Variants in LRBA observed in about 807,000 individuals in gnomAD.
LRBA encodes lipopolysaccharide-responsive and beige-like anchor protein.
LRBA carries 176 observed loss-of-function variants against 330.0 expected under a neutral mutation model. The ratio of observed to expected loss-of-function variants is 0.53; its 90% CI spans 0.47 to 0.60. The LOEUF (loss-of-function observed/expected upper bound fraction) is 0.60. Ranked by LOEUF, LRBA falls within the 20% of genes least tolerant of loss-of-function variation. The pLI is 0.00. For missense variants in LRBA, 3,259 were observed against 3,444.8 expected, an observed-to-expected ratio of 0.95 and a Z score of 1.35; for synonymous variants, 1,230 against 1,193.0, an observed-to-expected ratio of 1.03 and a Z score of -0.64.
chr4:150,943,967 C>T (rs1252517645), intron 2 of LRBA, among the ~76,000 whole-genome samples: 2 of 152,200 alleles, frequency 1.3e-5, no homozygotes, highest in Non-Finnish European at 2.9e-5. Flanking sequence ...CAGTGAGAGG[C>T]TCACTTAGAG....
intron 44 of LRBA, among the ~76,000 whole-genome samples, chr4:150,453,522 G>A (rs1013643248): frequency 6.6e-6 from 1 of 152,138 alleles, no homozygotes; most frequent in African/African-American, 2.4e-5. Context: ...CAAAAAATAA[G>A]TAGCATTAGC....
intron 50 of LRBA, among the ~76,000 whole-genome samples, chr4:150,316,968 A>G (rs998483350): frequency 6.6e-6 from 1 of 152,118 alleles, no homozygotes; most frequent in East Asian, 1.9e-4. Context: ...CCATTTTTAC[A>G]CCAAATATGA....
intron 2 of LRBA, among the ~76,000 whole-genome samples, chr4:150,955,843 G>T (rs1368563230): frequency 2.0e-5 from 3 of 147,994 alleles, no homozygotes; most frequent in Non-Finnish European, 2.9e-5. Flanking sequence ...GGTGAGCCGA[G>T]ATTGTGCCAC....
At chr4:150,553,322 T>TG (rs942328889) in intron 40 of LRBA, among the ~76,000 whole-genome samples, 1 of 150,562 alleles carries the variant, frequency 6.6e-6, no homozygotes, top group Admixed American at 6.6e-5. Flanking sequence ...TGTCGTGGGG[T>TG]GGGGGGAAGG....
chr4:150,753,460 C>T lies in LRBA; in HGVS notation c.5645+8323G>A, dbSNP rs541487902. On this transcript the variant is annotated intron_variant, in intron 35 of 56. Coordinates refer to ENST00000651943, the MANE Select transcript of LRBA (RefSeq NM_001364905.1). Reference sequence around the variant, plus strand: ...TTTCACCTATCCCTAATACACATCCCTTTTTTCTATAATCATTCTTATTTA... The same window carrying T: ...TTTCACCTATCCCTAATACACATCCTTTTTTTCTATAATCATTCTTATTTA... Among the ~76,000 whole-genome samples the T allele has an allele frequency of 7.2e-5, 11 of 152,218 alleles. No individual in the cohort carries two copies. In the South Asian group the frequency reaches 1.9e-3, roughly 26 times the overall value.
chr4:150,321,140 T>G lies in LRBA; in HGVS notation c.7630+51A>C. 6.8e-7 allele frequency: 1 copy of G among 1,464,444 alleles called. No homozygotes were observed. Among genetic ancestry groups the G allele is most frequent in the Admixed American group, 2.1e-5 (1 of 48,002 alleles). 90.7% of individuals were successfully genotyped at this position (1,464,444 alleles called of 1,614,324 possible). A position where few individuals can be genotyped will look rare whatever the true frequency, so the allele number is the denominator to read the frequency against. Reference sequence around the variant, plus strand: ...AGATATGCTATATTTAAGTGGGTATTACACAGTGTTCAGCAGTTACCATGC... The same window carrying G: ...AGATATGCTATATTTAAGTGGGTATGACACAGTGTTCAGCAGTTACCATGC... On this transcript the variant is annotated intron_variant, in intron 50 of 56. Transcript: ENST00000651943. This position sits in a 1 kb window ranked among gnomAD's most constrained non-coding sequence, Gnocchi z 4.5.
At chr4:150,421,770 C>G (rs1293499370) in intron 46 of LRBA, among the ~76,000 whole-genome samples, 1 of 152,152 alleles carries the variant, frequency 6.6e-6, no homozygotes, top group African/African-American at 2.4e-5. Context: ...GTGCAGCTCT[C>G]TGCTCCACCC....
At chr4:150,645,853 A>C (rs1387301544) in intron 37 of LRBA, among the ~76,000 whole-genome samples, 1 of 151,944 alleles carries the variant, frequency 6.6e-6, no homozygotes, top group South Asian at 2.1e-4. Flanking sequence ...GACAGGCAAC[A>C]GTAACTATGA....
At chr4:150,977,915 G>A (rs1051978890) in intron 2 of LRBA, among the ~76,000 whole-genome samples, 2 of 152,252 alleles carry the variant, frequency 1.3e-5, no homozygotes, top group Non-Finnish European at 2.9e-5. Context: ...TCCACTCCTT[G>A]GCTCCTGGAT....
At chr4:150,402,112 A>G (rs1009451640) in intron 47 of LRBA, among the ~76,000 whole-genome samples, 34 of 151,126 alleles carry the variant, frequency 2.2e-4, no homozygotes, top group African/African-American at 8.0e-4. Flanking sequence ...AACACGGTGA[A>G]ATGCCATCTC....
chr4:150,869,107 G>A (rs1310469732), intron 20 of LRBA, among the ~76,000 whole-genome samples: 2 of 151,982 alleles, frequency 1.3e-5, no homozygotes, highest in Non-Finnish European at 2.9e-5. Context: ...TTTTAGTAGA[G>A]ACAGCGTTTC....
chr4:150,445,623 CTAAT>C (rs1178604009), intron 44 of LRBA, among the ~76,000 whole-genome samples: 2 of 151,868 alleles, frequency 1.3e-5, no homozygotes, highest in Non-Finnish European at 2.9e-5. Context: ...CTGTTTTAGA[CTAAT>C]AAATTGCTTT....
intron 54 of LRBA, among the ~76,000 whole-genome samples, chr4:150,283,683 G>A (rs1326789385): frequency 6.6e-6 from 1 of 152,192 alleles, no homozygotes; most frequent in African/African-American, 2.4e-5. Flanking sequence ...CAGCATGCAT[G>A]AATTTCAGTT....
chr4:150,645,771 T>A (rs1221247652), intron 37 of LRBA, among the ~76,000 whole-genome samples: 1 of 151,880 alleles, frequency 6.6e-6, no homozygotes, highest in Non-Finnish European at 1.5e-5. Context: ...TGTGAAAACA[T>A]ATTTTAAAAG....
At chr4:150,980,483 G>C (rs1740708565) in intron 2 of LRBA, among the ~76,000 whole-genome samples, 1 of 152,196 alleles carries the variant, frequency 6.6e-6, no homozygotes, top group African/African-American at 2.4e-5. Flanking sequence ...AGAGCAATCA[G>C]ACAAGAGAAA....
chr4:150,814,080 T>C (rs564734360), intron 31 of LRBA, among the ~76,000 whole-genome samples: 11 of 151,966 alleles, frequency 7.2e-5, no homozygotes, highest in Non-Finnish European at 1.6e-4. Context: ...AAGTGAAAAA[T>C]AGAATGGTCA....
intron 47 of LRBA, among the ~76,000 whole-genome samples, chr4:150,379,496 T>C (rs868763341): frequency 6.6e-6 from 1 of 152,018 alleles, no homozygotes; most frequent in Non-Finnish European, 1.5e-5. Flanking sequence ...TTCAATCCCA[T>C]AGAGCCCAGC....
At chr4:150,830,326 A>C (rs1746979264) in intron 29 of LRBA, among the ~76,000 whole-genome samples, 1 of 152,178 alleles carries the variant, frequency 6.6e-6, no homozygotes, top group Admixed American at 6.6e-5. Flanking sequence ...AGTGTGGCTT[A>C]TTTCTGATCT....
At chr4:150,435,765 T>G (rs903122145) in intron 45 of LRBA, 57 bp from the exon 46 acceptor site, 1 of 1,462,594 alleles carries the variant, frequency 6.8e-7, no homozygotes, top group Non-Finnish European at 9.3e-7. Flanking sequence ...AAATGTGGTT[T>G]TTATAAATTC....
Sources: gnomAD v4.1 joint callset for allele counts (sites outside exome capture counted in the v4.1 genomes callset) on GRCh38, gnomAD v4.1.1 for gene constraint, Gnocchi (gnomAD v3.1) non-coding constraint, MANE v1.5 for transcripts, NCBI Gene and HGNC (gene_info 2026-07-23, HGNC 2026-07-21) for gene names.